CUX1: variants seen among roughly 807,000 people sequenced by gnomAD.
CUX1 encodes cut like homeobox 1.
In CUX1, 31 loss-of-function variants were observed where a neutral mutation model predicts 158.8. The ratio of observed to expected loss-of-function variants is 0.20; its 90% CI spans 0.15 to 0.26. The LOEUF (loss-of-function observed/expected upper bound fraction) is 0.26. CUX1 is among the 10% of genes least tolerant of loss of function. CUX1 has a pLI of 1.00. For synonymous variants in CUX1, 879 were observed against 862.1 expected, an observed-to-expected ratio of 1.02 and a Z score of -0.34; for missense variants, 1,589 against 2,014.6, an observed-to-expected ratio of 0.79 and a Z score of 4.04.
chr7:101,964,528 G>A (rs1810906182), intron 2 of CUX1, among the ~76,000 whole-genome samples: 1 of 152,164 alleles, frequency 6.6e-6, no homozygotes. Flanking sequence ...AAGGAAGCTA[G>A]CTTTGCTTTA....
chr7:101,948,991 A>G (rs974288233), intron 2 of CUX1, among the ~76,000 whole-genome samples: 1 of 152,226 alleles, frequency 6.6e-6, no homozygotes, highest in African/African-American at 2.4e-5. Context: ...AGAAATGTTC[A>G]TAGCAATTTA....
At chr7:101,836,007 C>T (rs1009909043) in intron 1 of CUX1, among the ~76,000 whole-genome samples, 1 of 152,228 alleles carries the variant, frequency 6.6e-6, no homozygotes, top group Non-Finnish European at 1.5e-5. Context: ...GGATTACAGG[C>T]GCGAGCCACC....
chr7:101,892,107 G>A (rs115324413), intron 1 of CUX1, among the ~76,000 whole-genome samples: 3,639 of 152,230 alleles, frequency 0.024, 133 homozygotes, highest in African/African-American at 0.079. Flanking sequence ...GTGTTGGAGC[G>A]GAGAGTCAGT....
intron 7 of CUX1, among the ~76,000 whole-genome samples, chr7:102,112,442 C>G (rs1002076843): frequency 6.6e-6 from 1 of 152,154 alleles, no homozygotes. Flanking sequence ...GAGGTTTCAT[C>G]ATGTTAGCCA....
At chr7:102,191,630 T>A (rs532201533) in intron 12 of CUX1, among the ~76,000 whole-genome samples, 1 of 152,322 alleles carries the variant, frequency 6.6e-6, no homozygotes, top group South Asian at 2.1e-4. Context: ...GGCCTTTTAA[T>A]TTTGAGCCAG....
chr7:101,918,696 C>T (rs1024514797), intron 2 of CUX1, among the ~76,000 whole-genome samples: 1 of 152,364 alleles, frequency 6.6e-6, no homozygotes, highest in African/African-American at 2.4e-5. Context: ...ATCTGTGGGG[C>T]GCCCACGCGG....
Position 102,249,117 on chromosome 7 carries a change from C to A in CUX1, c.*75C>A, listed in dbSNP as rs544951522. The A allele has an allele frequency of 3.1e-5, 37 of 1,181,206 alleles. No homozygotes were observed. The highest frequency in any genetic ancestry group is 3.7e-5 in the Non-Finnish European group (35 of 953,502). The allele number at this position is 1,181,206 out of a possible 1,614,324, so 73.2% of individuals were successfully genotyped here. ...ACGGGGTCGGACGGGGCAGGCGCTGCGGACACCGTGGCCTGGGCTTGGCCC... is the reference window on the plus strand; with the variant it reads ...ACGGGGTCGGACGGGGCAGGCGCTGAGGACACCGTGGCCTGGGCTTGGCCC... On this transcript the variant is annotated 3_prime_UTR_variant, in exon 24 of 24. Transcript: ENST00000292535.
chr7:101,846,940 T>A (rs186749862), intron 1 of CUX1, among the ~76,000 whole-genome samples: 1 of 152,122 alleles, frequency 6.6e-6, no homozygotes, highest in African/African-American at 2.4e-5. Flanking sequence ...AAGAGCAGCC[T>A]GGGCAACATA....
intron 8 of CUX1, among the ~76,000 whole-genome samples, chr7:102,157,953 C>CA (rs1789960396): frequency 6.6e-6 from 1 of 152,196 alleles, no homozygotes; most frequent in African/African-American, 2.4e-5. Flanking sequence ...GCAATGAACC[C>CA]AGGCTGTCTG....
chr7:101,913,067 G>A (rs1803680098), intron 1 of CUX1: 1 of 171,050 alleles, frequency 5.8e-6, no homozygotes, highest in African/African-American at 2.4e-5. Flanking sequence ...TTTAATCGCT[G>A]TCTCCTCCCA....
chr7:102,046,744 T>G (rs1822864845), intron 3 of CUX1, among the ~76,000 whole-genome samples: 1 of 151,716 alleles, frequency 6.6e-6, no homozygotes, highest in African/African-American at 2.4e-5. Flanking sequence ...ACCCAGCTAA[T>G]TTTTGCATTT....
At chr7:102,017,776 G>A (rs111828472) in intron 2 of CUX1, among the ~76,000 whole-genome samples, 2 of 152,226 alleles carry the variant, frequency 1.3e-5, no homozygotes, top group African/African-American at 4.8e-5. Flanking sequence ...GAGCCTGGGA[G>A]GCGGAGGTTG....
At chr7:102,196,576 G>GC (rs1554518376) in intron 14 of CUX1, 58 bp from the exon 15 acceptor site, 1 of 1,372,208 alleles carries the variant, frequency 7.3e-7, no homozygotes, top group Admixed American at 2.6e-5. Flanking sequence ...TTTGGTCTTG[G>GC]TTTTTTTTTC....
Position 102,233,781 on chromosome 7 carries a change from C to T in CUX1, c.3434-271C>T, listed in dbSNP as rs141989647. 3.1e-3 allele frequency among the ~76,000 whole-genome samples: 476 copies of T among 152,026 alleles called. 16 individuals carry two copies. Among genetic ancestry groups the T allele is most frequent in the Non-Finnish European group, 3.8e-4 (26 of 67,974 alleles). On this transcript the variant is annotated intron_variant, in intron 21 of 23. Transcript: ENST00000292535. ...CAGCCTGGGTGACAGAGCAAGACTC[C>T]ATCTCAAAAAAATAATAATAATAAA...
At chr7:101,818,080 T>C (rs1486158001) in intron 1 of CUX1, among the ~76,000 whole-genome samples, 1 of 152,220 alleles carries the variant, frequency 6.6e-6, no homozygotes, top group African/African-American at 2.4e-5. Flanking sequence ...TTTCCTGAAA[T>C]TTCTCGCTTA....
intron 2 of CUX1, among the ~76,000 whole-genome samples, chr7:101,948,053 G>A (rs932409391): frequency 2.0e-5 from 3 of 152,120 alleles, no homozygotes; most frequent in Admixed American, 6.5e-5. Context: ...CCCTGCCCCC[G>A]CTCTGTTAAC....
intron 20 of CUX1, among the ~76,000 whole-genome samples, chr7:102,221,185 G>A (rs546019173): frequency 6.6e-5 from 10 of 152,328 alleles, no homozygotes; most frequent in Non-Finnish European, 1.2e-4. Context: ...GAAAAGTGGC[G>A]CATCAGACCA....
At chr7:101,871,096 T>C (rs763924874) in intron 1 of CUX1, among the ~76,000 whole-genome samples, 43 of 152,132 alleles carry the variant, frequency 2.8e-4, no homozygotes, top group Non-Finnish European at 3.5e-4. Flanking sequence ...TTGGAGAGCA[T>C]TCCTGTTGCT....
intron 11 of CUX1, among the ~76,000 whole-genome samples, chr7:102,183,223 AG>A (rs1793293652): frequency 6.6e-6 from 1 of 152,118 alleles, no homozygotes; most frequent in African/African-American, 2.4e-5. Context: ...CATGTTGGCC[AG>A]GCTGGTCACG....
Sources: gnomAD v4.1 joint callset for allele counts (sites outside exome capture counted in the v4.1 genomes callset) on GRCh38, gnomAD v4.1.1 for gene constraint, MANE v1.5 for transcripts, NCBI Gene and HGNC (gene_info 2026-07-23, HGNC 2026-07-21) for gene names.